Variants in SRRM3 observed in about 807,000 individuals in gnomAD.
The protein encoded by SRRM3 is serine/arginine repetitive matrix protein 3.
A neutral mutation model predicts 66.2 loss-of-function variants in SRRM3; 27 were observed. That is an observed-to-expected ratio of 0.41 (90% confidence interval 0.30 to 0.56). The LOEUF is 0.56. SRRM3 is among the 20% of genes least tolerant of loss of function. The pLI is 0.32. For synonymous variants in SRRM3, 391 were observed against 414.9 expected (o/e 0.94, Z 0.70); for missense variants, 918 against 991.9 (o/e 0.93, Z 1.00).
chr7:76,260,275 A>G, intron 5 of SRRM3, 78 bp downstream of exon 5: 1 of 1,131,722 alleles, frequency 8.8e-7, no homozygotes, highest in Non-Finnish European at 1.2e-6. Flanking sequence ...CTGGCTCACA[A>G]CCATGCAGCA....
Position 76,283,115 on chromosome 7 carries a change from T to C in SRRM3, c.1733+14T>C. 7.1e-7 allele frequency: 1 copy of C among 1,409,146 alleles called. No individual in the cohort carries two copies. The highest frequency in any genetic ancestry group is 1.6e-5 in the South Asian group (1 of 62,126). 87.3% of individuals were successfully genotyped at this position (1,409,146 alleles called of 1,614,324 possible). ...GCGCATCACCAGGTATGGAGGGTCT[T>C]GGGGGGGCCGGTGGCGCAGGGCTGG... On this transcript the variant is annotated intron_variant, in intron 14 of 14. Transcript: ENST00000611745.
At chr7:76,276,748 C>T (rs375939597) in intron 11 of SRRM3, among the ~76,000 whole-genome samples, 2 of 152,228 alleles carry the variant, frequency 1.3e-5, no homozygotes, top group East Asian at 3.9e-4. Context: ...CGCATGGTGA[C>T]CCCTTCCTGA....
At chr7:76,216,797 G>A (rs10245109) in intron 1 of SRRM3, among the ~76,000 whole-genome samples, 1 of 152,248 alleles carries the variant, frequency 6.6e-6, no homozygotes, top group Non-Finnish European at 1.5e-5. Context: ...AGCCCCTCGG[G>A]GGAGGAAAGA....
chr7:76,225,554 C>A (rs1159870797), intron 1 of SRRM3, among the ~76,000 whole-genome samples: 2 of 134,040 alleles, frequency 1.5e-5, no homozygotes, highest in South Asian at 5.4e-4. Flanking sequence ...GATGGGGGTG[C>A]TGTCCGTGGT....
chr7:76,221,160 C>T (rs958255662), intron 1 of SRRM3, among the ~76,000 whole-genome samples: 13 of 151,398 alleles, frequency 8.6e-5, no homozygotes, highest in Non-Finnish European at 1.3e-4. Flanking sequence ...TGGGTACAAG[C>T]GATTCTCCTG....
intron 3 of SRRM3, among the ~76,000 whole-genome samples, chr7:76,258,498 A>G (rs1801770039): frequency 6.9e-6 from 1 of 144,736 alleles, no homozygotes; most frequent in South Asian, 2.2e-4. Context: ...GTGGATCACA[A>G]GGTCAGGAGT....
rs782025302 is a variant in SRRM3 at position 76,235,268 on chromosome 7, A to G, written c.202A>G (p.Met68Val). ...ERKRRVELKC[M>V]ELQEMMEEQG... is the part of the protein sequence containing the mutation. ...CAAGCGGCGGGTGGAGCTCAAGTGC[A>G]TGGAGCTGCAGGAGATGATGGAGGA... The change falls in exon 2 of 15, where the codon ATG becomes GTG. Residue 68 changes from methionine to valine, a missense_variant. Met to Val is a conservative substitution (Grantham distance 21). Transcript: ENST00000611745. 17 of 1,536,906 alleles carry G rather than the reference A, an allele frequency of 1.1e-5. No homozygotes were observed. The highest frequency in any genetic ancestry group is 3.9e-5 in the Admixed American group (2 of 51,086).
Position 76,235,250 on chromosome 7 carries a change from C to T in SRRM3, c.184C>T (p.Arg62Trp). The T allele has an allele frequency of 6.5e-7, 1 of 1,545,494 alleles. No individual in the cohort carries two copies. The highest frequency in any genetic ancestry group is 8.7e-7 in the Non-Finnish European group (1 of 1,153,710). ...REILDHERKRRVELKCMELQE... is the reference protein window; with the variant it reads ...REILDHERKRWVELKCMELQE... ...GATCCTGGACCACGAGCGCAAGCGG[C>T]GGGTGGAGCTCAAGTGCATGGAGCT... The change falls in exon 2 of 15, where the codon CGG becomes TGG. Residue 62 changes from arginine (R) to tryptophan (W), a missense_variant. Arg to Trp is a moderately radical substitution (Grantham distance 101). Coordinates refer to ENST00000611745, the MANE Select transcript of SRRM3 (RefSeq NM_001110199.3).
intron 11 of SRRM3, chr7:76,268,720 C>T: frequency 6.6e-6 from 1 of 152,362 alleles, no homozygotes; most frequent in East Asian, 1.9e-4. Context: ...GGACCAGGCA[C>T]CAGGCTCCTG....
chr7:76,247,193 G>A (rs376154558), intron 2 of SRRM3, among the ~76,000 whole-genome samples: 8 of 152,106 alleles, frequency 5.3e-5, no homozygotes, highest in Non-Finnish European at 8.8e-5. Context: ...GTAGATAACC[G>A]GACTTTGGTC....
intron 2 of SRRM3, 94 bp downstream of exon 2, chr7:76,235,393 G>A: frequency 2.6e-6 from 3 of 1,140,822 alleles, no homozygotes; most frequent in African/African-American, 1.6e-5. Flanking sequence ...GGCGAACGTC[G>A]TGGGCGGGGA....
At chr7:76,269,465 T>G (rs1435544003) in intron 11 of SRRM3, 1 of 151,210 alleles carries the variant, frequency 6.6e-6, no homozygotes, top group African/African-American at 2.4e-5. Flanking sequence ...GGGAGAGGGG[T>G]CCCAGACTTT....
chr7:76,208,175 G>A (rs1800345322), intron 1 of SRRM3, among the ~76,000 whole-genome samples: 1 of 152,158 alleles, frequency 6.6e-6, no homozygotes, highest in South Asian at 2.1e-4. Context: ...CCCTGGCGGG[G>A]TGGGCTTAGG....
At position 76,261,347 on chromosome 7, in the gene SRRM3, C is replaced by T; in HGVS notation, c.576-5C>T. On this transcript the variant is annotated splice_region_variant and splice_polypyrimidine_tract_variant and intron_variant, in intron 6 of 14. Coordinates refer to ENST00000611745, the MANE Select transcript of SRRM3 (RefSeq NM_001110199.3). ...TCACTAGAGCCCACCTCCCTGTGTC[C>T]ACAGCTGTGGGAGCTCCTCACCCCT... 7.2e-7 allele frequency: 1 copy of T among 1,383,538 alleles called. No homozygotes were observed. Among genetic ancestry groups the T allele is most frequent in the Non-Finnish European group, 9.7e-7 (1 of 1,036,100 alleles). The allele number at this position is 1,383,538 out of a possible 1,614,324, so 85.7% of individuals were successfully genotyped here. A position where few individuals can be genotyped will look rare whatever the true frequency, so the allele number is the denominator to read the frequency against.
At chr7:76,227,166 G>A (rs1800893030) in intron 1 of SRRM3, among the ~76,000 whole-genome samples, 2 of 143,962 alleles carry the variant, frequency 1.4e-5, no homozygotes, top group African/African-American at 5.2e-5. Flanking sequence ...ATCAGTGGTA[G>A]GGTAAAGACT....
At chr7:76,202,680 CCCCA>C (rs1800183029) in intron 1 of SRRM3, among the ~76,000 whole-genome samples, 6 of 152,234 alleles carry the variant, frequency 3.9e-5, no homozygotes, top group Middle Eastern at 6.8e-3. Flanking sequence ...TGTGCACACC[CCCCA>C]CCCCAACCAC....
intron 12 of SRRM3, 50 bp from the exon 13 acceptor site, chr7:76,282,598 C>T (rs1802552545): frequency 9.1e-7 from 1 of 1,099,186 alleles, no homozygotes; most frequent in Non-Finnish European, 1.2e-6. Flanking sequence ...CCGCCCCCAG[C>T]CCCCTTTCCG....
chr7:76,216,280 C>T (rs1234077279), intron 1 of SRRM3, among the ~76,000 whole-genome samples: 1 of 151,748 alleles, frequency 6.6e-6, no homozygotes, highest in East Asian at 1.9e-4. Context: ...CTCCTGGGTG[C>T]AAGCAGTCTT....
intron 1 of SRRM3, among the ~76,000 whole-genome samples, chr7:76,215,239 A>C (rs905065075): frequency 1.3e-5 from 2 of 151,986 alleles, no homozygotes; most frequent in Non-Finnish European, 2.9e-5. Context: ...AACAAAAAAA[A>C]CTACTATGAA....
Sources: allele counts gnomAD v4.1 joint callset (sites outside exome capture counted in the v4.1 genomes callset), GRCh38; gene constraint gnomAD v4.1.1; transcripts MANE v1.5; gene names NCBI Gene and HGNC (gene_info 2026-07-23, HGNC 2026-07-21).